ZNF33A: variants seen among roughly 807,000 people sequenced by gnomAD.
ZNF33A encodes the protein zinc finger protein 33A.
A neutral mutation model predicts 15.9 loss-of-function variants in ZNF33A; 9 were observed. The observed-to-expected ratio is 0.57, with a 90% CI of 0.34 to 0.99. The LOEUF is 0.99. Ranked by LOEUF, ZNF33A falls within the 50% of genes least tolerant of loss-of-function variation. The pLI is 0.02. For synonymous variants in ZNF33A, 294 were observed against 324.2 expected, an observed-to-expected ratio of 0.91 and a Z score of 1.00; for missense variants, 843 against 941.6, an observed-to-expected ratio of 0.90 and a Z score of 1.37.
intron 4 of ZNF33A, among the ~76,000 whole-genome samples, chr10:38,035,888 T>G (rs1245817715): frequency 3.9e-5 from 6 of 152,190 alleles, no homozygotes; most frequent in Admixed American, 1.3e-4. Flanking sequence ...CATTGGTGAT[T>G]TCTGTGCAAC....
intron 2 of ZNF33A, 139 bp from the exon 3 acceptor site, chr10:38,016,732 T>C: frequency 1.0e-6 from 1 of 958,256 alleles, no homozygotes; most frequent in Non-Finnish European, 1.5e-6. Context: ...AATATCTTAA[T>C]GCATTAATGG....
intron 4 of ZNF33A, among the ~76,000 whole-genome samples, chr10:38,047,203 A>AAG (rs1409171052): frequency 2.0e-5 from 3 of 150,908 alleles, no homozygotes; most frequent in Non-Finnish European, 4.4e-5. Flanking sequence ...AAAAAAAAAA[A>AAG]AAAAAAAAAA....
intron 4 of ZNF33A, among the ~76,000 whole-genome samples, chr10:38,038,590 C>T (rs1370537399): frequency 6.6e-6 from 1 of 152,152 alleles, no homozygotes; most frequent in Non-Finnish European, 1.5e-5. Context: ...TTCCCCTTCC[C>T]CTTGCTTTTC....
At position 38,053,917 on chromosome 10, in the gene ZNF33A, G is replaced by A. The variant is rs1233944771; in HGVS notation, c.251-458G>A. Among the ~76,000 whole-genome samples the A allele has an allele frequency of 2.0e-5, 3 of 152,110 alleles. No homozygotes were observed. In the East Asian group the frequency reaches 5.8e-4, roughly 29 times the overall value. On this transcript the variant is annotated intron_variant, in intron 4 of 4. Transcript: ENST00000432900. ...TGGCTGACTCTCTTTGTAGGCATGG[G>A]CTGTCACTTTTTTCTGTATTTGAGT...
chr10:38,011,460 C>T (rs772702419), intron 1 of ZNF33A, among the ~76,000 whole-genome samples: 20 of 152,068 alleles, frequency 1.3e-4, no homozygotes, highest in Admixed American at 3.9e-4. Context: ...TGGCGCATGC[C>T]TGTAATCCCA....
At chr10:38,038,723 T>G (rs1031436669) in intron 4 of ZNF33A, among the ~76,000 whole-genome samples, 2 of 152,312 alleles carry the variant, frequency 1.3e-5, no homozygotes, top group East Asian at 3.9e-4. Flanking sequence ...GGACTTTTTG[T>G]AGATGCCTTT....
intron 1 of ZNF33A, among the ~76,000 whole-genome samples, 198 bp downstream of exon 1, chr10:38,010,981 T>A (rs1045929496): frequency 6.6e-6 from 1 of 152,050 alleles, no homozygotes; most frequent in African/African-American, 2.4e-5. Context: ...CGGAGCAGGG[T>A]ACGCAGCGTG....
At position 38,055,996 on chromosome 10, in the gene ZNF33A, C is replaced by T. The variant is rs772087721; in HGVS notation, c.1872C>T (p.Leu624=). 1.2e-6 allele frequency: 2 copies of T among 1,613,848 alleles called. No homozygotes were observed. The highest frequency in any genetic ancestry group is 3.3e-5 in the Admixed American group (2 of 59,996). ...CGKAFYQKSQ[L]TQHQRIHIGE... ...AAGCCTTCTACCAGAAGTCACAACT[C>T]ACTCAGCATCAGAGAATTCACATAG... is the stretch of plus-strand genomic sequence containing the variant. Residue 624 remains leucine (L), a synonymous_variant, in exon 5 of 5, where the codon CTC becomes CTT. Coordinates refer to ENST00000432900, the MANE Select transcript of ZNF33A (RefSeq NM_006954.2).
At chr10:38,017,111 G>A in intron 3 of ZNF33A, 96 bp downstream of exon 3, 2 of 1,514,178 alleles carry the variant, frequency 1.3e-6, no homozygotes, top group South Asian at 2.6e-5. Context: ...GATATTTAAG[G>A]TTAGGCTTCA....
chr10:38,062,914 A>AATGGC (rs2066671033), downstream of ZNF33A, among the ~76,000 whole-genome samples: 1 of 146,442 alleles, frequency 6.8e-6, no homozygotes, highest in Non-Finnish European at 1.5e-5. Context: ...GAGGCAGGAG[A>AATGGC]ATGGCATGAA....
intron 4 of ZNF33A, among the ~76,000 whole-genome samples, chr10:38,037,954 T>A (rs2065523948): frequency 6.6e-6 from 1 of 152,218 alleles, no homozygotes; most frequent in South Asian, 2.1e-4. Context: ...AGGTATTAAT[T>A]TGGCAGTTAT....
At chr10:38,031,528 C>T (rs2065206645) in intron 4 of ZNF33A, among the ~76,000 whole-genome samples, 2 of 147,930 alleles carry the variant, frequency 1.4e-5, no homozygotes, top group South Asian at 2.1e-4. Context: ...TGTGATGGCA[C>T]CATTCGACTC....
chr10:38,011,028 G>A (rs1396778181), intron 1 of ZNF33A, among the ~76,000 whole-genome samples: 1 of 152,152 alleles, frequency 6.6e-6, no homozygotes, highest in Non-Finnish European at 1.5e-5. Flanking sequence ...AGGAGGGCAT[G>A]TGCGCTTGCG....
intron 2 of ZNF33A, 69 bp downstream of exon 2, chr10:38,012,419 GTGTT>G (rs1393478970): frequency 1.8e-5 from 18 of 1,026,148 alleles, no homozygotes; most frequent in East Asian, 2.5e-5. Context: ...AGTCGATATG[GTGTT>G]TGTTTTTTTT....
intron 4 of ZNF33A, among the ~76,000 whole-genome samples, chr10:38,052,726 C>T (rs1316796116): frequency 6.6e-6 from 1 of 152,002 alleles, no homozygotes; most frequent in Non-Finnish European, 1.5e-5. Context: ...TTTCAAGACT[C>T]AAAGTAAAAG....
chr10:38,066,106 C>T (rs1461903575), downstream of ZNF33A, among the ~76,000 whole-genome samples: 1 of 152,024 alleles, frequency 6.6e-6, no homozygotes, highest in African/African-American at 2.4e-5. Flanking sequence ...ACCCTGTATC[C>T]CAGAGCTTAC....
intron 4 of ZNF33A, among the ~76,000 whole-genome samples, chr10:38,032,614 T>C (rs1205538294): frequency 6.6e-6 from 1 of 151,760 alleles, no homozygotes; most frequent in Non-Finnish European, 1.5e-5. Flanking sequence ...GGATTACAGG[T>C]GCATGCCACC....
intron 4 of ZNF33A, among the ~76,000 whole-genome samples, chr10:38,046,334 A>T (rs571172718): frequency 1.3e-5 from 2 of 152,310 alleles, no homozygotes; most frequent in Admixed American, 1.3e-4. Context: ...CAATACTCAC[A>T]TAGGGCCTGG....
rs533092529 is a variant in ZNF33A at position 38,015,704 on chromosome 10, A to G, written c.10-1167A>G. On this transcript the variant is annotated intron_variant, in intron 2 of 4. Transcript: ENST00000432900. ...TATAGCCCTAACTTTCCTGGTTTAC[A>G]TTGTGGCCCTAGTATCTGGGCAGCT... Among the ~76,000 whole-genome samples the G allele has an allele frequency of 2.0e-5, 3 of 152,296 alleles. No homozygotes were observed. The East Asian group carries it at 5.8e-4, about 29-fold the overall frequency.
Sources: gnomAD v4.1 joint callset for allele counts (sites outside exome capture counted in the v4.1 genomes callset) on GRCh38, gnomAD v4.1.1 for gene constraint, MANE v1.5 for transcripts, NCBI Gene and HGNC (gene_info 2026-07-23, HGNC 2026-07-21) for gene names.